Variants in GOLGA8S observed in about 807,000 individuals in gnomAD.
GOLGA8S encodes the protein golgin A8 family member S.
In GOLGA8S, 23 loss-of-function variants were observed where a neutral mutation model predicts 58.9. The observed-to-expected ratio is 0.39, with a 90% CI of 0.28 to 0.55. The LOEUF (loss-of-function observed/expected upper bound fraction) is 0.55, where lower values mean the gene tolerates loss of function less well. Ranked by LOEUF, GOLGA8S falls within the 20% of genes least tolerant of loss-of-function variation. GOLGA8S has a pLI of 0.63. For missense variants in GOLGA8S, 266 were observed against 514.2 expected, an observed-to-expected ratio of 0.52 and a Z score of 4.67; for synonymous variants, 84 against 195.7, an observed-to-expected ratio of 0.43 and a Z score of 4.76.
At chr15:23,358,211 C>G (rs1446874482) in intron 4 of GOLGA8S, among the ~76,000 whole-genome samples, 2 of 152,296 alleles carry the variant, frequency 1.3e-5, no homozygotes, top group Non-Finnish European at 1.5e-5. Context: ...TTCTCAAACT[C>G]CATCTCTAGA....
At chr15:23,359,981 G>A (rs2069758086) in intron 8 of GOLGA8S, among the ~76,000 whole-genome samples, 1 of 149,498 alleles carries the variant, frequency 6.7e-6, no homozygotes, top group African/African-American at 2.5e-5. Context: ...TTCAAACAGT[G>A]GTAATAATAA....
chr15:23,364,426 G>T, exon 16 of GOLGA8S: 1 of 1,604,806 alleles, frequency 6.2e-7, no homozygotes, highest in Non-Finnish European at 8.5e-7. Context: ...TTCAATACTG[G>T]CAAGAGAGAT....
chr15:23,357,952 C>G (rs1306345705), intron 4 of GOLGA8S, among the ~76,000 whole-genome samples: 3 of 149,900 alleles, frequency 2.0e-5, no homozygotes, highest in Non-Finnish European at 4.5e-5. Context: ...CTCTTTGATT[C>G]TGGACAAGCC....
upstream of GOLGA8S, chr15:23,354,751 C>T (rs371293096): frequency 6.4e-5 from 12 of 186,986 alleles, 1 homozygote; most frequent in East Asian, 8.1e-4. Context: ...CTGGCTCAGT[C>T]GCACAGCTAC....
chr15:23,364,908 G>A, intron 18 of GOLGA8S, 34 bp downstream of exon 18: 1 of 1,497,286 alleles, frequency 6.7e-7, no homozygotes, highest in Non-Finnish European at 9.0e-7. Context: ...TGGGCAGGCA[G>A]GAAGAGGGGG....
At chr15:23,356,177 A>C (rs1402751589) in intron 1 of GOLGA8S, among the ~76,000 whole-genome samples, 1 of 144,176 alleles carries the variant, frequency 6.9e-6, no homozygotes, top group African/African-American at 2.5e-5. Flanking sequence ...TGCCATGAGG[A>C]CACATTGATA....
chr15:23,361,083 G>A lies in GOLGA8S; in HGVS notation c.875-138G>A, dbSNP rs1478902630. 15 of 898,006 alleles carry A rather than the reference G, an allele frequency of 1.7e-5. 1 individual carries two copies. The highest frequency in any genetic ancestry group is 2.6e-5 in the Admixed American group (1 of 38,048). 55.6% of individuals were successfully genotyped at this position (898,006 alleles called of 1,614,324 possible). ...ATCTGGGTGCGAGGAATCATTAGCA[G>A]TGAGGCCAAGTTTGAGGAGCCGGAG... is the stretch of plus-strand genomic sequence containing the variant. On this transcript the variant is annotated intron_variant, in intron 11 of 18. Coordinates refer to ENST00000562295, the Ensembl canonical transcript of GOLGA8S.
rs770907160 is a variant in GOLGA8S, at chr15:23,365,065, C to T, written c.1809C>T (p.His603=). ...CGATCGTGCAGGACCACCAGGAGCA[C>T]CCAGGCTTGGGCAACAACTGCTGTG... The change falls in exon 19 of 19, where the codon CAC becomes CAT. Residue 603 remains histidine, a synonymous_variant. Transcript: ENST00000562295. The T allele has an allele frequency of 1.4e-5, 22 of 1,580,622 alleles. 1 individual carries two copies. Among genetic ancestry groups the T allele is most frequent in the Non-Finnish European group, 1.9e-5 (22 of 1,165,722 alleles).
rs1369107239 is a variant in GOLGA8S, at chr15:23,361,247, GC to G, written c.902del (p.Ala301GlufsTer11). The G allele has an allele frequency of 1.3e-6, 2 of 1,499,546 alleles. 1 individual carries two copies. Among genetic ancestry groups the G allele is most frequent in the Non-Finnish European group, 1.8e-6 (2 of 1,089,898 alleles). The allele number at this position is 1,499,546 out of a possible 1,614,324, so 92.9% of individuals were successfully genotyped here. A position where few individuals can be genotyped will look rare whatever the true frequency, so the allele number is the denominator to read the frequency against. ...TGAACCTCTGCCCCCGGAGCCCCCA[GC>G]AGTGCCCTCTGAGGCGGAGCTGCAG... On this transcript the variant is annotated frameshift_variant, in exon 12 of 19. Coordinates refer to ENST00000562295, the Ensembl canonical transcript of GOLGA8S. LOFTEE classifies it high-confidence loss of function.
chr15:23,358,118 C>T (rs565451283), intron 4 of GOLGA8S, among the ~76,000 whole-genome samples: 2 of 152,038 alleles, frequency 1.3e-5, no homozygotes, highest in African/African-American at 4.8e-5. Context: ...TGTGAAGAAC[C>T]GTACTTGGCC....
At chr15:23,365,284 T>G, downstream of GOLGA8S, 1 of 970,764 alleles carries the variant, frequency 1.0e-6, no homozygotes. Context: ...TAAGTTTATT[T>G]GTAAAAAGTT....
At chr15:23,364,401 A>T (rs1332280774) in exon 16 of GOLGA8S, 1 of 1,604,468 alleles carries the variant, frequency 6.2e-7, no homozygotes, top group Non-Finnish European at 8.5e-7. Flanking sequence ...GTGAAGAAAC[A>T]AGAACTTCGC....
chr15:23,365,370 T>A, downstream of GOLGA8S: 1 of 617,042 alleles, frequency 1.6e-6, no homozygotes, highest in Non-Finnish European at 2.8e-6. Context: ...TTTAATTTCA[T>A]AATTGTAGGT....
chr15:23,361,195 C>A (rs1246932264), intron 11 of GOLGA8S, 26 bp from the exon 12 acceptor site: 1 of 1,129,236 alleles, frequency 8.9e-7, no homozygotes, highest in Non-Finnish European at 1.3e-6. Context: ...AATCCAGAGG[C>A]TCTTATTGTC....
intron 13 of GOLGA8S, among the ~76,000 whole-genome samples, chr15:23,362,218 C>CA (rs1469784590): frequency 2.0e-5 from 3 of 147,554 alleles, no homozygotes; most frequent in Non-Finnish European, 4.5e-5. Context: ...AAACAAAAAA[C>CA]AAAAAAAGAA....
chr15:23,363,993 C>T (rs2069858059), intron 15 of GOLGA8S, among the ~76,000 whole-genome samples: 1 of 137,532 alleles, frequency 7.3e-6, no homozygotes, highest in Non-Finnish European at 1.6e-5. Flanking sequence ...TCTGTGTATG[C>T]CCCTAGAAGA....
downstream of GOLGA8S, chr15:23,366,867 T>TAAC (rs1419569760): frequency 2.1e-5 from 3 of 141,642 alleles, no homozygotes. Context: ...GGATTTCTAG[T>TAAC]TACTAGATCA....
At position 23,360,777 on chromosome 15, in the gene GOLGA8S, C is replaced by A. The variant is rs368498592; in HGVS notation, c.836C>A (p.Thr279Lys). ...AAGCATGATAAATATCGGGTAGAGA[C>A]GCTGGAGAGGAGCTTGTCCAAACTC... The change falls in exon 11 of 19, where the codon ACG (threonine) becomes AAG (lysine). Residue 279 changes from threonine to lysine, a missense_variant. Physicochemically the swap from Thr to Lys is moderately conservative, Grantham distance 78. Around this residue, in one of 6 missense-constraint regions of GOLGA8S, gnomAD observed 114 missense variants for 120.7 expected, o/e 0.94. Coordinates refer to ENST00000562295, the Ensembl canonical transcript of GOLGA8S. The A allele has an allele frequency of 8.3e-4, 1,176 of 1,412,804 alleles. 69 individuals are homozygous for A. Among genetic ancestry groups the A allele is most frequent in the East Asian group, 2.9e-3 (128 of 43,550 alleles). 87.5% of individuals were successfully genotyped at this position (1,412,804 alleles called of 1,614,324 possible). A position where few individuals can be genotyped will look rare whatever the true frequency, so the allele number is the denominator to read the frequency against.
At chr15:23,367,219 CAGTTT>C (rs2069937250), downstream of GOLGA8S, 1 of 144,076 alleles carries the variant, frequency 6.9e-6, no homozygotes, top group African/African-American at 2.5e-5. Context: ...TCTTTGAGTT[CAGTTT>C]AAAGACGGTT....
Sources: gnomAD v4.1 joint callset for allele counts (sites outside exome capture counted in the v4.1 genomes callset) on GRCh38, gnomAD v4.1.1 for gene constraint, gnomAD v4.1.1 regional missense constraint, MANE v1.5 for transcripts, NCBI Gene and HGNC (gene_info 2026-07-23, HGNC 2026-07-21) for gene names.